The following DEPTOR variants were observed in gnomAD, a reference collection of about 807,000 sequenced individuals.
DEPTOR encodes DEP domain containing MTOR interacting protein.
In DEPTOR, 41 loss-of-function variants were observed where a neutral mutation model predicts 41.6. That is an observed-to-expected ratio of 0.98 (90% CI 0.77 to 1.28). The LOEUF is 1.28. DEPTOR is among the 50% of genes most tolerant of loss of function. The pLI is 0.00. For synonymous variants in DEPTOR, 195 were observed against 192.3 expected, an observed-to-expected ratio of 1.01 and a Z score of -0.12; for missense variants, 514 against 527.9, an observed-to-expected ratio of 0.97 and a Z score of 0.26.
intron 4 of DEPTOR, among the ~76,000 whole-genome samples, chr8:119,976,308 A>G (rs1828695990): frequency 6.6e-6 from 1 of 152,122 alleles, no homozygotes. Context: ...AAATGTTTTA[A>G]GGATAGAGAA....
chr8:120,001,084 A>T (rs11993258), intron 4 of DEPTOR, among the ~76,000 whole-genome samples: 98,651 of 150,950 alleles, frequency 0.65, 33,371 homozygotes, highest in Middle Eastern at 0.76. Flanking sequence ...CTCAAAAAAA[A>T]AGAAAAAGGA....
At chr8:120,033,199 T>C (rs1224378035) in intron 8 of DEPTOR, among the ~76,000 whole-genome samples, 2 of 150,320 alleles carry the variant, frequency 1.3e-5, no homozygotes, top group East Asian at 4.0e-4. Flanking sequence ...GCAATTCTCC[T>C]GCCTCAGCCT....
rs1827339707 is a variant in DEPTOR, at chr8:119,884,559, T to C, written c.122+10591T>C. Among the ~76,000 whole-genome samples, 7 of 131,522 alleles carry C rather than the reference T, an allele frequency of 5.3e-5. No homozygotes were observed. In the South Asian group the frequency reaches 1.7e-3, roughly 32 times the overall value. The allele number at this position is 131,522 out of a possible 152,430, so 86.3% of individuals were successfully genotyped here. On this transcript the variant is annotated intron_variant, in intron 1 of 8. Coordinates refer to ENST00000286234, the MANE Select transcript of DEPTOR (RefSeq NM_022783.4). ...AATTTGCAAAGAAAAAAAATACTTT[T>C]AAAGGATTGGCTTTTTTTTTTTTTC...
chr8:119,875,090 C>T (rs576672314), intron 1 of DEPTOR, among the ~76,000 whole-genome samples: 1 of 152,236 alleles, frequency 6.6e-6, no homozygotes, highest in East Asian at 1.9e-4. Context: ...TTGCACCTAT[C>T]GATTCTTTGT....
chr8:120,005,786 C>T (rs1414798229), intron 6 of DEPTOR, among the ~76,000 whole-genome samples: 2 of 151,968 alleles, frequency 1.3e-5, no homozygotes, highest in African/African-American at 2.4e-5. Context: ...TTTAGGCAGC[C>T]GCAAGTCAGG....
intron 8 of DEPTOR, among the ~76,000 whole-genome samples, chr8:120,025,051 G>A (rs1734625371): frequency 6.6e-6 from 1 of 152,162 alleles, no homozygotes; most frequent in Admixed American, 6.6e-5. Flanking sequence ...TGTGAGCAAA[G>A]CCAGTGAGGT....
chr8:119,978,401 C>T (rs1828723295), intron 4 of DEPTOR, among the ~76,000 whole-genome samples: 1 of 152,134 alleles, frequency 6.6e-6, no homozygotes, highest in Admixed American at 6.5e-5. Context: ...ACAGAGAGTT[C>T]AAACTTCAGA....
At chr8:120,001,251 C>G (rs746821827) in intron 4 of DEPTOR, among the ~76,000 whole-genome samples, 13 of 152,146 alleles carry the variant, frequency 8.5e-5, no homozygotes, top group Admixed American at 3.3e-4. Flanking sequence ...GGAAGCAGCA[C>G]AGGAGCCAGG....
At chr8:119,957,737 C>T (rs188710479) in intron 3 of DEPTOR, among the ~76,000 whole-genome samples, 182 of 152,196 alleles carry the variant, frequency 1.2e-3, no homozygotes, top group Non-Finnish European at 1.7e-3. Flanking sequence ...TATAGGCACG[C>T]GCCACCATGC....
chr8:119,953,047 A>G (rs1828373704), intron 3 of DEPTOR, among the ~76,000 whole-genome samples: 1 of 152,200 alleles, frequency 6.6e-6, no homozygotes, highest in Non-Finnish European at 1.5e-5. Context: ...TCTATAGACA[A>G]TAGCATAGTA....
In DEPTOR at chr8:120,001,723, G is replaced by A. The variant is rs766199081; in HGVS notation, c.790+13G>A. ...AGCTTTATGTCAGGTATGCCATCCC[G>A]GCATTTATTGGAGCTCAAGTGTTTG... On this transcript the variant is annotated intron_variant, in intron 5 of 8. Transcript: ENST00000286234. The A allele has an allele frequency of 4.4e-6, 7 of 1,602,638 alleles. No individual in the cohort carries two copies. In the East Asian group the frequency reaches 6.7e-5, roughly 15 times the overall value.
At chr8:119,897,544 TC>T (rs1448654020) in intron 1 of DEPTOR, among the ~76,000 whole-genome samples, 3 of 152,036 alleles carry the variant, frequency 2.0e-5, no homozygotes, top group Non-Finnish European at 4.4e-5. Flanking sequence ...AAAAAATAAT[TC>T]AAAAAATTAT....
intron 3 of DEPTOR, among the ~76,000 whole-genome samples, chr8:119,959,821 G>A (rs185773563): frequency 6.6e-6 from 1 of 152,234 alleles, no homozygotes; most frequent in East Asian, 1.9e-4. Context: ...GAGCCTCTGT[G>A]CTTGGCCTCT....
At chr8:119,954,071 G>T (rs1045587919) in intron 3 of DEPTOR, among the ~76,000 whole-genome samples, 3 of 151,874 alleles carry the variant, frequency 2.0e-5, no homozygotes, top group Non-Finnish European at 2.9e-5. Flanking sequence ...CTCCCAAAGT[G>T]CTGTGATTAC....
At chr8:119,925,598 A>T (rs890451031) in intron 1 of DEPTOR, among the ~76,000 whole-genome samples, 1 of 152,032 alleles carries the variant, frequency 6.6e-6, no homozygotes, top group African/African-American at 2.4e-5. Context: ...GTCAAACCAT[A>T]TCAGCCCCAG....
intron 4 of DEPTOR, among the ~76,000 whole-genome samples, chr8:119,982,615 A>G (rs1389815616): frequency 6.6e-6 from 1 of 152,180 alleles, no homozygotes; most frequent in African/African-American, 2.4e-5. Context: ...CTGCCTCCTG[A>G]AGTGAGATGC....
chr8:119,943,165 CACTAGTAGGAAGT>C (rs1828225158), intron 3 of DEPTOR, among the ~76,000 whole-genome samples: 1 of 152,154 alleles, frequency 6.6e-6, no homozygotes, highest in Non-Finnish European at 1.5e-5. Context: ...CAGTGGGAGG[CACTAGTAGGAAGT>C]AGGTGGAAGG....
rs1176279836 is a variant in DEPTOR, at chr8:119,967,701, CCAAG to C, written c.604+2292_604+2295del. ...CCCTGGAGGTGGAGGTTGCAGTGAG[CCAAG>C]ATTGTGCCACTGCATTCCAACCTGG... is the stretch of plus-strand genomic sequence containing the variant. On this transcript the variant is annotated intron_variant, in intron 4 of 8. Transcript: ENST00000286234. Among the ~76,000 whole-genome samples the C allele has an allele frequency of 2.0e-5, 3 of 148,576 alleles. No homozygotes were observed. The East Asian group carries it at 6.0e-4, about 30-fold the overall frequency.
At chr8:119,983,656 T>C (rs1828794998) in intron 4 of DEPTOR, among the ~76,000 whole-genome samples, 1 of 152,208 alleles carries the variant, frequency 6.6e-6, no homozygotes, top group African/African-American at 2.4e-5. Flanking sequence ...AGTTCTGGGA[T>C]TACAGGCATG....
Sources: gnomAD v4.1 joint callset for allele counts (sites outside exome capture counted in the v4.1 genomes callset) on GRCh38, gnomAD v4.1.1 for gene constraint, MANE v1.5 for transcripts, NCBI Gene and HGNC (gene_info 2026-07-23, HGNC 2026-07-21) for gene names.